Variants in CCKAR observed in about 807,000 individuals in gnomAD.
CCKAR encodes cholecystokinin A receptor, also known as cholecystokinin receptor type A.
A neutral mutation model predicts 29.8 loss-of-function variants in CCKAR; 21 were observed. That is an observed-to-expected ratio of 0.70 (90% confidence interval 0.50 to 1.01). The LOEUF is 1.01. Ranked by LOEUF, CCKAR falls within the 50% of genes least tolerant of loss-of-function variation. CCKAR has a pLI of 0.00. For synonymous variants in CCKAR, 238 were observed against 221.3 expected, an observed-to-expected ratio of 1.08 and a Z score of -0.67; for missense variants, 570 against 560.6, an observed-to-expected ratio of 1.02 and a Z score of -0.17.
rs1737345871 is a variant in CCKAR at position 26,481,635 on chromosome 4, A to T, written c.*3T>A. On this transcript the variant is annotated 3_prime_UTR_variant, in exon 5 of 5. Coordinates refer to ENST00000295589, the MANE Select transcript of CCKAR (RefSeq NM_000730.3). ...CTTCTGCGGTGGAGGGTCAGGGGAC[A>T]TCTCACTGGGGTGGCACCGAGGCAC... 1 of 1,613,872 alleles carries T rather than the reference A, an allele frequency of 6.2e-7. No homozygotes were observed. Among genetic ancestry groups the T allele is most frequent in the East Asian group, 2.2e-5 (1 of 44,886 alleles).
At chr4:26,486,529 T>C (rs1737454315) in intron 2 of CCKAR, among the ~76,000 whole-genome samples, 1 of 152,180 alleles carries the variant, frequency 6.6e-6, no homozygotes, top group Middle Eastern at 3.2e-3. Flanking sequence ...TAAAGTCTCT[T>C]GTCTTATTGT....
At chr4:26,486,207 G>A (rs1354609731) in intron 2 of CCKAR, among the ~76,000 whole-genome samples, 3 of 152,046 alleles carry the variant, frequency 2.0e-5, no homozygotes, top group Admixed American at 1.3e-4. Flanking sequence ...AATAACCAAG[G>A]GGATGAAATT....
chr4:26,489,033 G>A (rs1445880111), intron 2 of CCKAR, among the ~76,000 whole-genome samples, 200 bp downstream of exon 2: 2 of 152,114 alleles, frequency 1.3e-5, no homozygotes, highest in African/African-American at 4.8e-5. Flanking sequence ...CATGGATGAT[G>A]GGGACCGACT....
chr4:26,483,311 C>A (rs531262435), intron 3 of CCKAR, 28 bp from the exon 4 acceptor site: 7 of 1,609,438 alleles, frequency 4.3e-6, no homozygotes, highest in African/African-American at 1.3e-5. Flanking sequence ...AATCCAATAA[C>A]CAGCAACTTT....
rs1737415180 is a variant in CCKAR at position 26,484,825 on chromosome 4, T to C, written c.626+812A>G. Among the ~76,000 whole-genome samples, 3 of 135,644 alleles carry C rather than the reference T, an allele frequency of 2.2e-5. No individual in the cohort carries two copies. The South Asian group carries it at 6.9e-4, about 31-fold the overall frequency. 89.0% of individuals were successfully genotyped at this position (135,644 alleles called of 152,430 possible). A position where few individuals can be genotyped will look rare whatever the true frequency, so the allele number is the denominator to read the frequency against. ...GGGAGGCCAAGGCGGGAGGATCACT[T>C]GAGCCTAAGAATTCAAGACCAGCCT... On this transcript the variant is annotated intron_variant, in intron 3 of 4. Transcript: ENST00000295589.
rs1192489202 is a variant in CCKAR, at chr4:26,485,884, C to A, written c.379G>T (p.Val127Leu). 6.2e-7 allele frequency: 1 copy of A among 1,613,158 alleles called. No individual in the cohort carries two copies. The highest frequency in any genetic ancestry group is 8.5e-7 in the Non-Finnish European group (1 of 1,179,460). ...TTYFMGTSVS[V>L]STFNLVAISL... ...ATGGCTACCAGATTAAAGGTAGATA[C>A]ACTCACAGAGGTGCCTGGGAAAGGA... The change falls in exon 3 of 5, where the codon GTA becomes TTA. Residue 127 changes from valine to leucine, a missense_variant. Val to Leu is a conservative substitution (Grantham distance 32). Transcript: ENST00000295589.
At position 26,490,228 on chromosome 4, in the gene CCKAR, T is replaced by C. The variant is rs760707904; in HGVS notation, c.40A>G (p.Ile14Val). 1.9e-6 allele frequency: 3 copies of C among 1,613,548 alleles called. No individual in the cohort carries two copies. Among genetic ancestry groups the C allele is most frequent in the Admixed American group, 3.3e-5 (2 of 59,936 alleles). The change falls in exon 1 of 5, where the codon ATC becomes GTC. Residue 14 changes from isoleucine to valine, a missense_variant. Ile to Val is a conservative substitution (Grantham distance 29). Coordinates refer to ENST00000295589, the MANE Select transcript of CCKAR (RefSeq NM_000730.3). Reference protein sequence around the residue: ...VDSLLVNGSNITPPCELGLEN... With the variant: ...VDSLLVNGSNVTPPCELGLEN... Reference sequence around the variant, plus strand: ...AGCCCGAGTTCACAGGGAGGAGTGATGTTGCTTCCATTCACAAGAAGGCTG... The same window carrying C: ...AGCCCGAGTTCACAGGGAGGAGTGACGTTGCTTCCATTCACAAGAAGGCTG...
Position 26,485,623 on chromosome 4 carries a change from C to T in CCKAR, c.626+14G>A, listed in dbSNP as rs1737433251. On this transcript the variant is annotated intron_variant, in intron 3 of 4. Transcript: ENST00000295589. ...ATCAAGCTGTATTTTTAAAAATAAA[C>T]AATGCAACCTTACCAGGACTGCTGC... 4 of 1,611,334 alleles carry T rather than the reference C, an allele frequency of 2.5e-6. No individual in the cohort carries two copies. The African/African-American group carries it at 4.0e-5, about 16-fold the overall frequency.
intron 4 of CCKAR, 105 bp downstream of exon 4, chr4:26,483,050 AG>A: frequency 8.6e-7 from 1 of 1,158,812 alleles, no homozygotes; most frequent in East Asian, 2.4e-5. Context: ...AATACTTAAA[AG>A]CTTTTCCAAC....
chr4:26,482,189 T>G lies in CCKAR; in HGVS notation c.755-19A>C, dbSNP rs986506331. 1 of 1,589,524 alleles carries G rather than the reference T, an allele frequency of 6.3e-7. No homozygotes were observed. The highest frequency in any genetic ancestry group is 2.2e-5 in the East Asian group (1 of 44,584). Reference sequence around the variant, plus strand: ...TTCCTTTCTGGGTGGGCAAGAGACATCACTCATTGCTGGGGATGGGTCATG... The same window carrying G: ...TTCCTTTCTGGGTGGGCAAGAGACAGCACTCATTGCTGGGGATGGGTCATG... On this transcript the variant is annotated intron_variant, in intron 4 of 4. Transcript: ENST00000295589.
intron 2 of CCKAR, among the ~76,000 whole-genome samples, 179 bp downstream of exon 2, chr4:26,489,054 G>A (rs1250928617): frequency 1.3e-5 from 2 of 152,116 alleles, no homozygotes; most frequent in South Asian, 2.1e-4. Flanking sequence ...TGTGGGGAAC[G>A]TATAAGGATG....
intron 3 of CCKAR, 34 bp downstream of exon 3, chr4:26,485,603 G>T: frequency 1.2e-6 from 2 of 1,607,262 alleles, no homozygotes; most frequent in Non-Finnish European, 1.7e-6. Context: ...ATTACATCAA[G>T]CTGTATTTTT....
At chr4:26,486,105 T>A (rs1241122511) in intron 2 of CCKAR, among the ~76,000 whole-genome samples, 1 of 152,236 alleles carries the variant, frequency 6.6e-6, no homozygotes, top group Non-Finnish European at 1.5e-5. Flanking sequence ...AAGAAATGGC[T>A]TTGTAAATAT....
chr4:26,489,071 A>T (rs1737501521), intron 2 of CCKAR, among the ~76,000 whole-genome samples, 162 bp downstream of exon 2: 1 of 152,144 alleles, frequency 6.6e-6, no homozygotes, highest in Non-Finnish European at 1.5e-5. Context: ...GATGACTGTC[A>T]AGCCAGCACC....
At chr4:26,483,593 G>A (rs1737393423) in intron 3 of CCKAR, among the ~76,000 whole-genome samples, 1 of 152,176 alleles carries the variant, frequency 6.6e-6, no homozygotes, top group South Asian at 2.1e-4. Context: ...TATGTGAATA[G>A]CATTTCAATA....
At chr4:26,484,004 T>C (rs1737399646) in intron 3 of CCKAR, among the ~76,000 whole-genome samples, 1 of 152,220 alleles carries the variant, frequency 6.6e-6, no homozygotes, top group South Asian at 2.1e-4. Context: ...AACATTTACG[T>C]GGGCGTCCAT....
rs1046542169 is a variant in CCKAR, at chr4:26,490,321, C to T, written c.-54G>A. 1.8e-5 allele frequency: 21 copies of T among 1,176,660 alleles called. No homozygotes were observed. The highest frequency in any genetic ancestry group is 9.4e-5 in the East Asian group (4 of 42,608). 72.9% of individuals were successfully genotyped at this position (1,176,660 alleles called of 1,614,324 possible). On this transcript the variant is annotated 5_prime_UTR_variant, in exon 1 of 5. Coordinates refer to ENST00000295589, the MANE Select transcript of CCKAR (RefSeq NM_000730.3). ...GGAGAGCTGGTGAATTGCTCACTCCCGGCTCATTCCTCTAATGACCGAAGC... is the reference window on the plus strand; with the variant it reads ...GGAGAGCTGGTGAATTGCTCACTCCTGGCTCATTCCTCTAATGACCGAAGC...
chr4:26,486,091 G>A (rs574147885), intron 2 of CCKAR, among the ~76,000 whole-genome samples, 193 bp from the exon 3 acceptor site: 4 of 152,324 alleles, frequency 2.6e-5, no homozygotes, highest in African/African-American at 9.6e-5. Context: ...GTTTAAGGCA[G>A]TTAAAGAAAT....
intron 2 of CCKAR, among the ~76,000 whole-genome samples, chr4:26,488,527 T>C (rs1737491176): frequency 6.6e-6 from 1 of 152,188 alleles, no homozygotes; most frequent in Non-Finnish European, 1.5e-5. Flanking sequence ...TCTTATGATT[T>C]TCATTATCAT....
Sources: gnomAD v4.1 joint callset for allele counts (sites outside exome capture counted in the v4.1 genomes callset) on GRCh38, gnomAD v4.1.1 for gene constraint, MANE v1.5 for transcripts, NCBI Gene and HGNC (gene_info 2026-07-23, HGNC 2026-07-21) for gene names.